DYNC2I1: variants seen among roughly 807,000 people sequenced by gnomAD.
The protein encoded by DYNC2I1 is dynein 2 intermediate chain 1, also known as cytoplasmic dynein 2 intermediate chain 1.
DYNC2I1 carries 89 observed loss-of-function variants against 133.4 expected under a neutral mutation model. The observed-to-expected ratio is 0.67, with a 90% confidence interval of 0.56 to 0.80. The LOEUF (loss-of-function observed/expected upper bound fraction) is 0.80, where lower values mean the gene tolerates loss of function less well. Ranked by LOEUF, DYNC2I1 falls within the 30% of genes least tolerant of loss-of-function variation. DYNC2I1 has a pLI of 0.00. For synonymous variants in DYNC2I1, 504 were observed against 484.3 expected (o/e 1.04, Z -0.54); for missense variants, 1,291 against 1,314.5 (o/e 0.98, Z 0.28).
downstream of DYNC2I1, among the ~76,000 whole-genome samples, chr7:158,951,124 A>G (rs1355146838): frequency 6.6e-6 from 1 of 152,212 alleles, no homozygotes; most frequent in Admixed American, 6.5e-5. Flanking sequence ...CATCTGAGTC[A>G]TATCTGTGTC....
the DYNC2I1 span, among the ~76,000 whole-genome samples, chr7:158,846,887 G>A: frequency 4.6e-5 from 7 of 152,110 alleles, no homozygotes; most frequent in Non-Finnish European, 1.0e-4. Flanking sequence ...TTGAAAACAG[G>A]AAAATGAAAA....
chr7:158,942,212 AC>A (rs1450890714), intron 24 of DYNC2I1, 64 bp downstream of exon 24: 34 of 1,320,556 alleles, frequency 2.6e-5, no homozygotes, highest in Non-Finnish European at 3.4e-5. Context: ...GGTGCCACTT[AC>A]GGTCTTTCTT....
chr7:158,904,696 CT>C (rs1846582634), intron 10 of DYNC2I1: 1 of 153,498 alleles, frequency 6.5e-6, no homozygotes, highest in Non-Finnish European at 1.5e-5. Context: ...TGGTCTGGTC[CT>C]TATCACAGTC....
intron 12 of DYNC2I1, among the ~76,000 whole-genome samples, chr7:158,912,752 G>A (rs576506111): frequency 6.8e-4 from 104 of 152,298 alleles, no homozygotes; most frequent in African/African-American, 2.2e-3. Flanking sequence ...AGGTGAGGTG[G>A]CAGTATTTTC....
chr7:158,918,337 C>G (rs944172605), intron 14 of DYNC2I1, among the ~76,000 whole-genome samples: 5 of 152,190 alleles, frequency 3.3e-5, no homozygotes, highest in Admixed American at 3.3e-4. Flanking sequence ...AAGGATGACC[C>G]TCCTGGAACA....
chr7:158,862,623 G>A (rs906644187), intron 1 of DYNC2I1, among the ~76,000 whole-genome samples: 7 of 151,858 alleles, frequency 4.6e-5, no homozygotes, highest in African/African-American at 1.5e-4. Flanking sequence ...AGGAGGCTGA[G>A]GTGGGAGGAT....
upstream of DYNC2I1, among the ~76,000 whole-genome samples, chr7:158,855,097 A>C (rs1027707914): frequency 6.6e-6 from 1 of 152,236 alleles, no homozygotes; most frequent in Non-Finnish European, 1.5e-5. Flanking sequence ...GCCTATCGAG[A>C]TGGGGGAATT....
chr7:158,870,610 T>C (rs1365059453), intron 2 of DYNC2I1, among the ~76,000 whole-genome samples: 1 of 152,136 alleles, frequency 6.6e-6, no homozygotes, highest in Admixed American at 6.5e-5. Flanking sequence ...TGGCCTCAGG[T>C]GATCCTCCTG....
intron 1 of DYNC2I1, among the ~76,000 whole-genome samples, chr7:158,866,505 C>A (rs2129476800): frequency 6.6e-6 from 1 of 152,148 alleles, no homozygotes; most frequent in Non-Finnish European, 1.5e-5. Context: ...TGGGCGTCCC[C>A]TCTCTGGTCA....
rs766752974 is a variant in DYNC2I1 at position 158,887,037 on chromosome 7, G to C, written c.952G>C (p.Val318Leu). 20 of 1,613,812 alleles carry C rather than the reference G, an allele frequency of 1.2e-5. No homozygotes were observed. The highest frequency in any genetic ancestry group is 1.0e-4 in the Admixed American group (6 of 60,004). Residue 318 changes from valine (V) to leucine (L), a missense_variant, in exon 7 of 25, where the codon GTA (valine) becomes CTA (leucine). Physicochemically the swap from Val to Leu is conservative, Grantham distance 32 (BLOSUM62 1). Coordinates refer to ENST00000407559, the MANE Select transcript of DYNC2I1 (RefSeq NM_018051.5). ...GCTTTCCAGGCATGCTGAGAATTTA[G>C]TAAGGAATCATGGAAAAGATAAAGA... is the stretch of plus-strand genomic sequence containing the variant. The part of the protein sequence containing the change: ...GTSSQHAENL[V>L]RNHGKDKDSR...
intron 23 of DYNC2I1, among the ~76,000 whole-genome samples, chr7:158,938,108 T>A (rs1036925649): frequency 6.6e-6 from 1 of 152,074 alleles, no homozygotes; most frequent in Non-Finnish European, 1.5e-5. Context: ...AATATCCAGG[T>A]ATAGGAAGGT....
intron 4 of DYNC2I1, among the ~76,000 whole-genome samples, chr7:158,951,519 G>A (rs1173498800): frequency 6.6e-6 from 1 of 152,252 alleles, no homozygotes; most frequent in Non-Finnish European, 1.5e-5. Flanking sequence ...AGGAGAGACT[G>A]GGCGTGTTCC....
At chr7:158,848,263 G>T in the DYNC2I1 span, among the ~76,000 whole-genome samples, 1 of 152,170 alleles carries the variant, frequency 6.6e-6, no homozygotes, top group Non-Finnish European at 1.5e-5. Context: ...AGATGAAGCA[G>T]CTGATATGCT....
At chr7:158,905,877 G>A (rs1448184575) in intron 10 of DYNC2I1, 112 bp from the exon 11 acceptor site, 10 of 741,452 alleles carry the variant, frequency 1.3e-5, no homozygotes, top group Non-Finnish European at 2.0e-5. Flanking sequence ...TAGTTGAAGG[G>A]TTTATTGACT....
intron 3 of DYNC2I1, among the ~76,000 whole-genome samples, chr7:158,874,866 G>A (rs148600145): frequency 3.2e-4 from 48 of 152,254 alleles, no homozygotes; most frequent in African/African-American, 1.1e-3. Flanking sequence ...TGAAGCTTCC[G>A]GTAGCCCCTC....
chr7:158,947,036 C>T (rs1156958580), downstream of DYNC2I1, among the ~76,000 whole-genome samples: 1 of 152,204 alleles, frequency 6.6e-6, no homozygotes, highest in African/African-American at 2.4e-5. Flanking sequence ...GCTTTTTAAT[C>T]ATTGATTTGA....
chr7:158,932,626 G>A (rs1365919044), intron 21 of DYNC2I1, among the ~76,000 whole-genome samples: 3 of 152,162 alleles, frequency 2.0e-5, no homozygotes, highest in South Asian at 2.1e-4. Context: ...ACGTTGAGCC[G>A]AGGAGCAGCA....
intron 11 of DYNC2I1, among the ~76,000 whole-genome samples, chr7:158,907,363 A>C (rs943868643): frequency 1.2e-4 from 18 of 151,036 alleles, no homozygotes; most frequent in Non-Finnish European, 2.4e-4. Flanking sequence ...ACTCAGAAAT[A>C]AAGCTACACA....
Position 158,871,484 on chromosome 7 carries a change from G to A in DYNC2I1, c.412G>A (p.Val138Met), listed in dbSNP as rs1297326472. The change falls in exon 3 of 25, where the codon GTG (valine) becomes ATG (methionine). Residue 138 changes from valine to methionine, a missense_variant. Transcript: ENST00000407559. The part of the protein sequence containing the change: ...RARKEELRQT[V>M]AHHNLLGQET... ...CCGGAAGGAAGAGCTCCGGCAGACC[G>A]TGGCCCACCACAACCTGCTGGGCCA... 9.0e-6 allele frequency: 14 copies of A among 1,548,074 alleles called. No homozygotes were observed. The Admixed American group carries it at 9.8e-5, about 11-fold the overall frequency.
Sources: allele counts gnomAD v4.1 joint callset (sites outside exome capture counted in the v4.1 genomes callset), GRCh38; gene constraint gnomAD v4.1.1; transcripts MANE v1.5; gene names NCBI Gene and HGNC (gene_info 2026-07-23, HGNC 2026-07-21).